AFF3: variants seen among roughly 807,000 people sequenced by gnomAD.
AFF3 encodes the protein ALF transcription elongation factor 3, also known as AF4/FMR2 family member 3.
In AFF3, 32 loss-of-function variants were observed where a neutral mutation model predicts 129.7. That is an observed-to-expected ratio of 0.25 (90% confidence interval 0.19 to 0.33). The LOEUF (loss-of-function observed/expected upper bound fraction) is 0.33. AFF3 is among the 10% of genes least tolerant of loss of function. The pLI, the probability that AFF3 is intolerant of heterozygous loss-of-function variation, is 1.00. For missense variants in AFF3, 1,373 were observed against 1,592.0 expected, an observed-to-expected ratio of 0.86 and a Z score of 2.34; for synonymous variants, 644 against 635.4, an observed-to-expected ratio of 1.01 and a Z score of -0.20.
intron 18 of AFF3, among the ~76,000 whole-genome samples, chr2:99,577,437 A>C (rs1464803214): frequency 6.6e-6 from 1 of 152,062 alleles, no homozygotes; most frequent in Non-Finnish European, 1.5e-5. Context: ...GGACTCTTGG[A>C]CATGTAGAGC....
chr2:99,832,021 T>C (rs1246631004), intron 8 of AFF3, among the ~76,000 whole-genome samples: 7 of 152,262 alleles, frequency 4.6e-5, no homozygotes, highest in African/African-American at 1.7e-4. Flanking sequence ...CATCTACATT[T>C]GACGTACTTG....
At chr2:99,597,347 CCT>C (rs1425464907) in intron 14 of AFF3, among the ~76,000 whole-genome samples, 2 of 152,042 alleles carry the variant, frequency 1.3e-5, no homozygotes, top group Non-Finnish European at 2.9e-5. Flanking sequence ...TACTTGTTGC[CCT>C]CTGTTATACT....
At chr2:99,559,128 T>C (rs1675232524) in intron 21 of AFF3, among the ~76,000 whole-genome samples, 160 bp from the exon 22 acceptor site, 1 of 152,262 alleles carries the variant, frequency 6.6e-6, no homozygotes, top group Non-Finnish European at 1.5e-5. Flanking sequence ...TGAGGGAACA[T>C]CTTTTGTCCA....
intron 3 of AFF3, chr2:100,105,296 G>T: frequency 8.4e-7 from 1 of 1,185,308 alleles, no homozygotes. Context: ...GGCGCGGGGA[G>T]AGTGAGCTGT....
intron 2 of AFF3, chr2:100,112,446 A>G (rs1691550777): frequency 6.6e-6 from 1 of 152,388 alleles, no homozygotes; most frequent in African/African-American, 2.4e-5. Context: ...TAATCCCAGT[A>G]CTTTGAGAGG....
intron 13 of AFF3, among the ~76,000 whole-genome samples, chr2:99,622,846 C>T (rs889540104): frequency 6.6e-6 from 1 of 152,120 alleles, no homozygotes; most frequent in Non-Finnish European, 1.5e-5. Context: ...TGGGCATGGG[C>T]ACAGGCAGGA....
intron 7 of AFF3, among the ~76,000 whole-genome samples, chr2:99,957,441 T>G (rs1055823643): frequency 6.6e-6 from 1 of 152,178 alleles, no homozygotes; most frequent in Non-Finnish European, 1.5e-5. Flanking sequence ...AATTCATTTA[T>G]GTATGTGTGT....
chr2:99,800,846 T>C (rs1187761082), intron 8 of AFF3, among the ~76,000 whole-genome samples: 1 of 152,194 alleles, frequency 6.6e-6, no homozygotes, highest in African/African-American at 2.4e-5. Flanking sequence ...TATATGATTC[T>C]ACATATATAA....
chr2:99,799,483 TAGAG>T (rs1411813806), intron 8 of AFF3, among the ~76,000 whole-genome samples: 1 of 151,966 alleles, frequency 6.6e-6, no homozygotes, highest in Non-Finnish European at 1.5e-5. Context: ...GAGAAGCAAA[TAGAG>T]AGACATACCA....
chr2:99,830,907 C>T (rs5011805), intron 8 of AFF3, among the ~76,000 whole-genome samples: 14,644 of 152,180 alleles, frequency 0.096, 2,317 homozygotes, highest in African/African-American at 0.33. Flanking sequence ...ATTTTCAGGC[C>T]ACTTATCCTA....
intron 12 of AFF3, among the ~76,000 whole-genome samples, chr2:99,659,972 C>T (rs953619109): frequency 5.9e-5 from 9 of 152,172 alleles, no homozygotes; most frequent in African/African-American, 2.2e-4. Context: ...GAACTCATCT[C>T]ACAGGGCAAT....
chr2:99,856,774 A>G (rs546127447), intron 7 of AFF3, among the ~76,000 whole-genome samples: 34 of 152,246 alleles, frequency 2.2e-4, no homozygotes, highest in East Asian at 1.7e-3. Flanking sequence ...ACCCAGGAAC[A>G]TGAGACTTCT....
chr2:99,824,070 A>AC (rs922133917), intron 8 of AFF3, among the ~76,000 whole-genome samples: 3 of 151,742 alleles, frequency 2.0e-5, no homozygotes, highest in Admixed American at 6.6e-5. Flanking sequence ...CATGCCATGT[A>AC]CCCCCCAATC....
intron 7 of AFF3, among the ~76,000 whole-genome samples, chr2:99,979,174 G>A (rs1253125424): frequency 2.6e-5 from 4 of 152,100 alleles, no homozygotes; most frequent in African/African-American, 4.8e-5. Context: ...TTCTTGTATC[G>A]TGCAAAGACC....
chr2:99,883,230 A>G (rs904619132), intron 7 of AFF3, among the ~76,000 whole-genome samples: 3 of 152,226 alleles, frequency 2.0e-5, no homozygotes, highest in African/African-American at 4.8e-5. Flanking sequence ...CACCAATACG[A>G]TATCTTCATA....
intron 7 of AFF3, among the ~76,000 whole-genome samples, chr2:99,935,081 A>G (rs1352538465): frequency 6.6e-6 from 1 of 152,240 alleles, no homozygotes; most frequent in African/African-American, 2.4e-5. Flanking sequence ...ATCCCAGCAC[A>G]TTCATGTCTG....
intron 11 of AFF3, among the ~76,000 whole-genome samples, chr2:99,695,445 A>C (rs539719405): frequency 1.3e-5 from 2 of 152,316 alleles, no homozygotes; most frequent in East Asian, 3.9e-4. Flanking sequence ...TGGCTCCTAC[A>C]TCTATGGGCA....
At chr2:100,077,198 G>C (rs373588469) in intron 4 of AFF3, among the ~76,000 whole-genome samples, 1 of 152,134 alleles carries the variant, frequency 6.6e-6, no homozygotes, top group Non-Finnish European at 1.5e-5. Flanking sequence ...GCAATGAGCC[G>C]AGATCATACC....
At chr2:100,104,336 G>T in intron 4 of AFF3, 66 bp downstream of exon 4, 1 of 677,594 alleles carries the variant, frequency 1.5e-6, no homozygotes, top group Non-Finnish European at 1.8e-6. Flanking sequence ...AGGTGAGGAC[G>T]CGCGGGCCGC....
Sources: allele counts gnomAD v4.1 joint callset (sites outside exome capture counted in the v4.1 genomes callset), GRCh38; gene constraint gnomAD v4.1.1; transcripts MANE v1.5; gene names NCBI Gene and HGNC (gene_info 2026-07-23, HGNC 2026-07-21).